The following ITPR2 variants were observed in gnomAD, a reference collection of about 807,000 sequenced individuals.
The protein encoded by ITPR2 is inositol 1,4,5-trisphosphate-gated calcium channel ITPR2.
ITPR2 carries 207 observed loss-of-function variants against 317.1 expected under a neutral mutation model. The ratio of observed to expected loss-of-function variants is 0.65; its 90% confidence interval spans 0.58 to 0.73. ITPR2 has a LOEUF of 0.73. Ranked by LOEUF, ITPR2 falls within the 30% of genes least tolerant of loss-of-function variation. The pLI, the probability that ITPR2 is intolerant of heterozygous loss-of-function variation, is 0.00. For missense variants in ITPR2, 2,613 were observed against 3,284.0 expected, an observed-to-expected ratio of 0.80 and a Z score of 4.99; for synonymous variants, 1,156 against 1,149.1, an observed-to-expected ratio of 1.01 and a Z score of -0.12.
chr12:26,391,049 T>C (rs1370094806), intron 54 of ITPR2, among the ~76,000 whole-genome samples: 1 of 152,148 alleles, frequency 6.6e-6, no homozygotes, highest in Non-Finnish European at 1.5e-5. Flanking sequence ...TTAAAAGGTT[T>C]CCAAGAGGTG....
At chr12:26,598,726 A>G (rs1193984071) in intron 30 of ITPR2, among the ~76,000 whole-genome samples, 1 of 152,206 alleles carries the variant, frequency 6.6e-6, no homozygotes, top group Non-Finnish European at 1.5e-5. Context: ...TTCTCTTCAA[A>G]GCTTTCTGCA....
intron 39 of ITPR2, among the ~76,000 whole-genome samples, chr12:26,489,147 A>T (rs1346423887): frequency 6.6e-6 from 1 of 152,262 alleles, no homozygotes; most frequent in Non-Finnish European, 1.5e-5. Context: ...ATATATTTAT[A>T]TAATCTCAAC....
At chr12:26,534,855 C>T (rs920234196) in intron 37 of ITPR2, among the ~76,000 whole-genome samples, 1 of 152,190 alleles carries the variant, frequency 6.6e-6, no homozygotes, top group African/African-American at 2.4e-5. Context: ...ATTAGCTTCA[C>T]ATGAACTGAG....
chr12:26,378,258 T>C (rs925377391), intron 55 of ITPR2, among the ~76,000 whole-genome samples: 1 of 151,956 alleles, frequency 6.6e-6, no homozygotes, highest in Non-Finnish European at 1.5e-5. Flanking sequence ...GGAATGGGGA[T>C]GTCAGGGAAG....
intron 2 of ITPR2, among the ~76,000 whole-genome samples, chr12:26,753,218 C>T (rs1278298536): frequency 6.6e-6 from 1 of 152,160 alleles, no homozygotes; most frequent in East Asian, 1.9e-4. Context: ...GTTAGAGTCC[C>T]TTCTAAGACT....
intron 34 of ITPR2, among the ~76,000 whole-genome samples, chr12:26,571,857 C>G (rs974423442): frequency 6.6e-6 from 1 of 152,200 alleles, no homozygotes; most frequent in Non-Finnish European, 1.5e-5. Context: ...ATTTTTACTA[C>G]CTTTTGTATT....
chr12:26,457,462 G>A (rs570149896), intron 45 of ITPR2, among the ~76,000 whole-genome samples: 33 of 152,294 alleles, frequency 2.2e-4, no homozygotes, highest in African/African-American at 7.9e-4. Flanking sequence ...GTATTAGAAG[G>A]TGTTGAGCAG....
At chr12:26,522,942 A>G (rs1289135050) in intron 37 of ITPR2, among the ~76,000 whole-genome samples, 1 of 152,266 alleles carries the variant, frequency 6.6e-6, no homozygotes, top group African/African-American at 2.4e-5. Context: ...TGATATAACA[A>G]AATGGAAGCA....
intron 49 of ITPR2, among the ~76,000 whole-genome samples, chr12:26,423,468 C>G (rs936773209): frequency 6.6e-6 from 1 of 152,118 alleles, no homozygotes; most frequent in Non-Finnish European, 1.5e-5. Flanking sequence ...AAATGAATTA[C>G]ACATTTCCAG....
At chr12:26,512,718 T>C (rs187941153) in intron 37 of ITPR2, among the ~76,000 whole-genome samples, 13 of 152,260 alleles carry the variant, frequency 8.5e-5, no homozygotes, top group Middle Eastern at 3.4e-3. Flanking sequence ...GGCTGTGTCA[T>C]GGGTGCATCC....
intron 45 of ITPR2, among the ~76,000 whole-genome samples, chr12:26,460,993 T>C (rs1942005302): frequency 6.6e-6 from 1 of 152,204 alleles, no homozygotes; most frequent in South Asian, 2.1e-4. Context: ...CTATCCTGAA[T>C]CCACTGAATG....
chr12:26,337,518 A>T lies in ITPR2; in HGVS notation c.*1879T>A, dbSNP rs752001223. ...ATTTTAAAGATGGCTGCTTTAGTCT[A>T]CTTTGATTTTGGGAAAGCCATTTTA... On this transcript the variant is annotated 3_prime_UTR_variant, in exon 57 of 57. Transcript: ENST00000381340. 1 of 152,214 alleles carries T rather than the reference A, an allele frequency of 6.6e-6. No homozygotes were observed. Among genetic ancestry groups the T allele is most frequent in the Non-Finnish European group, 1.5e-5 (1 of 68,022 alleles). 9.4% of individuals were successfully genotyped at this position (152,214 alleles called of 1,614,324 possible).
chr12:26,444,068 T>C (rs1277851684), intron 45 of ITPR2, among the ~76,000 whole-genome samples: 3 of 152,160 alleles, frequency 2.0e-5, no homozygotes, highest in Non-Finnish European at 2.9e-5. Context: ...GAGTTTCTCT[T>C]ATAGCATGTA....
At chr12:26,360,625 GA>G (rs771574341) in intron 55 of ITPR2, among the ~76,000 whole-genome samples, 1 of 152,140 alleles carries the variant, frequency 6.6e-6, no homozygotes, top group Non-Finnish European at 1.5e-5. Flanking sequence ...AATTTATTTG[GA>G]TTTAAAATTT....
intron 54 of ITPR2, among the ~76,000 whole-genome samples, chr12:26,393,102 A>G (rs1204243182): frequency 6.6e-6 from 1 of 152,198 alleles, no homozygotes; most frequent in East Asian, 1.9e-4. Context: ...GAAAGTTCCA[A>G]CTAGGTCCAT....
intron 52 of ITPR2, among the ~76,000 whole-genome samples, chr12:26,408,148 T>C (rs1940417681): frequency 6.6e-6 from 1 of 152,210 alleles, no homozygotes; most frequent in African/African-American, 2.4e-5. Flanking sequence ...TTTCCCTTAC[T>C]GTAAGTTCTA....
intron 46 of ITPR2, among the ~76,000 whole-genome samples, chr12:26,442,145 T>G (rs2136735485): frequency 6.6e-6 from 1 of 152,200 alleles, no homozygotes; most frequent in African/African-American, 2.4e-5. Context: ...TTCCCATGTT[T>G]TTTAATACCT....
intron 46 of ITPR2, among the ~76,000 whole-genome samples, chr12:26,442,610 G>T (rs1215465512): frequency 1.3e-5 from 2 of 152,026 alleles, no homozygotes; most frequent in Non-Finnish European, 2.9e-5. Context: ...ATTTCTATTT[G>T]TATAGAAATG....
At position 26,704,753 on chromosome 12, in the gene ITPR2, T is replaced by G. The variant is rs987527017; in HGVS notation, c.951+6420A>C. Among the ~76,000 whole-genome samples the G allele has an allele frequency of 2.0e-5, 3 of 152,196 alleles. 1 individual carries two copies. Among genetic ancestry groups the G allele is most frequent in the Non-Finnish European group, 4.4e-5 (3 of 68,034 alleles). The stretch of plus-strand genomic sequence containing the variant: ...CCAGAATAATACTATATAATATACA[T>G]TCTTAACTTTTTTTACACACAAAGG... On this transcript the variant is annotated intron_variant, in intron 9 of 56. Coordinates refer to ENST00000381340, the MANE Select transcript of ITPR2 (RefSeq NM_002223.4).
Sources: allele counts gnomAD v4.1 joint callset (sites outside exome capture counted in the v4.1 genomes callset), GRCh38; gene constraint gnomAD v4.1.1; transcripts MANE v1.5; gene names NCBI Gene and HGNC (gene_info 2026-07-23, HGNC 2026-07-21).